Variants in MARCHF3 observed in about 807,000 individuals in gnomAD.
The protein encoded by MARCHF3 is membrane associated ring-CH-type finger 3.
Under a neutral mutation model 24.2 loss-of-function variants are expected in MARCHF3, and 13 were observed. That is an observed-to-expected ratio of 0.54 (90% confidence interval 0.35 to 0.85). MARCHF3 has a LOEUF of 0.85. Ranked by LOEUF, MARCHF3 falls within the 40% of genes least tolerant of loss-of-function variation. The pLI is 0.01. For missense variants in MARCHF3, 276 were observed against 325.0 expected (o/e 0.85, Z 1.16); for synonymous variants, 144 against 137.3 (o/e 1.05, Z -0.34).
chr5:126,951,266 A>G (rs944166674), intron 1 of MARCHF3, among the ~76,000 whole-genome samples: 3 of 151,804 alleles, frequency 2.0e-5, no homozygotes, highest in Non-Finnish European at 4.4e-5. Context: ...TCCCATTCTC[A>G]CTATCATCTT....
chr5:126,968,308 G>C (rs1400301579), intron 1 of MARCHF3, among the ~76,000 whole-genome samples: 3 of 152,180 alleles, frequency 2.0e-5, no homozygotes, highest in Non-Finnish European at 4.4e-5. Context: ...TTGAGGAACT[G>C]CCAAACTATT....
At chr5:127,011,643 C>T (rs1752477394) in intron 1 of MARCHF3, among the ~76,000 whole-genome samples, 1 of 152,092 alleles carries the variant, frequency 6.6e-6, no homozygotes. Flanking sequence ...AAACTGATTC[C>T]CTAAAAGTGT....
chr5:126,986,405 A>G (rs893474391), intron 1 of MARCHF3, among the ~76,000 whole-genome samples: 2 of 152,216 alleles, frequency 1.3e-5, no homozygotes, highest in Non-Finnish European at 2.9e-5. Flanking sequence ...CAATTTTTTG[A>G]GCATCTAATT....
At chr5:126,933,546 G>A (rs1224892510) in intron 1 of MARCHF3, among the ~76,000 whole-genome samples, 1 of 151,168 alleles carries the variant, frequency 6.6e-6, no homozygotes, top group Admixed American at 6.6e-5. Context: ...CTGGGTTCAC[G>A]CCATTCTCCT....
At chr5:126,909,483 G>A (rs9716708) in intron 3 of MARCHF3, among the ~76,000 whole-genome samples, 28,307 of 152,216 alleles carry the variant, frequency 0.19, 3,402 homozygotes, top group South Asian at 0.34. Flanking sequence ...CTCCGTGGGC[G>A]TAGGACCCTC....
chr5:126,904,046 G>A (rs1051623222), intron 3 of MARCHF3, among the ~76,000 whole-genome samples: 3 of 148,072 alleles, frequency 2.0e-5, no homozygotes, highest in African/African-American at 7.5e-5. Flanking sequence ...TCCCACCTAT[G>A]AGTGAGAATA....
intron 1 of MARCHF3, among the ~76,000 whole-genome samples, chr5:126,972,660 C>T (rs1355883030): frequency 6.6e-6 from 1 of 152,164 alleles, no homozygotes; most frequent in African/African-American, 2.4e-5. Flanking sequence ...ACTTCCACCC[C>T]CAACAGGTTT....
At chr5:126,900,780 C>T (rs1364680896) in intron 3 of MARCHF3, among the ~76,000 whole-genome samples, 3 of 151,442 alleles carry the variant, frequency 2.0e-5, no homozygotes, top group African/African-American at 7.3e-5. Flanking sequence ...CAACTCACTG[C>T]AACCTCTGCT....
At chr5:126,938,610 G>A (rs951741658) in intron 1 of MARCHF3, among the ~76,000 whole-genome samples, 2 of 151,358 alleles carry the variant, frequency 1.3e-5, no homozygotes, top group African/African-American at 4.9e-5. Context: ...TATTTCCCAA[G>A]TCTCACACTG....
chr5:126,930,884 T>C lies in MARCHF3; in HGVS notation c.-56-12657A>G, dbSNP rs187894507. Among the ~76,000 whole-genome samples, 421 of 152,348 alleles carry C rather than the reference T, an allele frequency of 2.8e-3. 2 individuals carry two copies. Among genetic ancestry groups the C allele is most frequent in the African/African-American group, 9.5e-3 (394 of 41,580 alleles). On this transcript the variant is annotated intron_variant, in intron 1 of 4. Transcript: ENST00000308660. The stretch of plus-strand genomic sequence containing the variant: ...GAGCAGGGGCATTTTCTGCCCATGA[T>C]TGCCTTGTTTTAGTGACATGCATCT...
chr5:127,023,453 G>C (rs1030874227), intron 1 of MARCHF3, among the ~76,000 whole-genome samples: 1 of 152,196 alleles, frequency 6.6e-6, no homozygotes, highest in South Asian at 2.1e-4. Context: ...CCCTCAGGCT[G>C]GGCATGGTGG....
intron 1 of MARCHF3, among the ~76,000 whole-genome samples, chr5:126,967,469 G>GATC (rs1216341172): frequency 5.3e-5 from 8 of 152,258 alleles, no homozygotes; most frequent in Middle Eastern, 3.4e-3. Flanking sequence ...GAGGCAGGCG[G>GATC]ATCACCTGAG....
chr5:126,951,293 G>A lies in MARCHF3; in HGVS notation c.-56-33066C>T, dbSNP rs74354779. Among the ~76,000 whole-genome samples, 822 of 152,146 alleles carry A rather than the reference G, an allele frequency of 5.4e-3. 8 individuals are homozygous for A. Among genetic ancestry groups the A allele is most frequent in the African/African-American group, 0.019 (790 of 41,496 alleles). On this transcript the variant is annotated intron_variant, in intron 1 of 4. Transcript: ENST00000308660. ...TATCATCTTATGCTACAGGGCCCCA[G>A]GGTTCAGTCCATAGTCTTCTTTTCC...
chr5:126,948,183 C>T (rs1055097885), intron 1 of MARCHF3, among the ~76,000 whole-genome samples: 1 of 152,088 alleles, frequency 6.6e-6, no homozygotes, highest in Non-Finnish European at 1.5e-5. Context: ...AATGTGCCTG[C>T]CCAGTTTTCT....
rs567935567 is a variant in MARCHF3 at position 127,020,245 on chromosome 5, A to G, written c.-57+10105T>C. Among the ~76,000 whole-genome samples, 9 of 152,358 alleles carry G rather than the reference A, an allele frequency of 5.9e-5. No individual in the cohort carries two copies. In the South Asian group the frequency reaches 6.2e-4, roughly 11 times the overall value. On this transcript the variant is annotated intron_variant, in intron 1 of 4. Transcript: ENST00000308660. Reference sequence around the variant, plus strand: ...CTCTTATCCAATTACAGGAGTTTCAATAGAGATCACATAGGAGTATCACAG... The same window carrying G: ...CTCTTATCCAATTACAGGAGTTTCAGTAGAGATCACATAGGAGTATCACAG...
chr5:127,023,051 G>A (rs1335891259), intron 1 of MARCHF3, among the ~76,000 whole-genome samples: 1 of 152,222 alleles, frequency 6.6e-6, no homozygotes, highest in Non-Finnish European at 1.5e-5. Context: ...CACGACCTCA[G>A]TAACCCATTG....
chr5:126,906,591 T>C (rs1312708010), intron 3 of MARCHF3, among the ~76,000 whole-genome samples: 11 of 152,366 alleles, frequency 7.2e-5, no homozygotes, highest in Admixed American at 2.0e-4. Flanking sequence ...CTAGATTTTC[T>C]AGTTTATTTG....
intron 1 of MARCHF3, among the ~76,000 whole-genome samples, chr5:126,926,381 A>T (rs936351104): frequency 6.6e-6 from 1 of 152,108 alleles, no homozygotes; most frequent in Non-Finnish European, 1.5e-5. Context: ...GCCCACAAGG[A>T]CCCACAACAC....
chr5:126,883,815 G>T (rs1487611336), intron 3 of MARCHF3, among the ~76,000 whole-genome samples: 4 of 152,166 alleles, frequency 2.6e-5, no homozygotes, highest in African/African-American at 9.7e-5. Context: ...AGGTCAGTTT[G>T]TACTAAAACC....
Sources: gnomAD v4.1 joint callset for allele counts (sites outside exome capture counted in the v4.1 genomes callset) on GRCh38, gnomAD v4.1.1 for gene constraint, MANE v1.5 for transcripts, NCBI Gene and HGNC (gene_info 2026-07-23, HGNC 2026-07-21) for gene names.